ABCA12: variants seen among roughly 807,000 people sequenced by gnomAD.
The protein encoded by ABCA12 is ATP binding cassette subfamily A member 12, also known as glucosylceramide transporter ABCA12.
ABCA12 carries 156 observed loss-of-function variants against 293.5 expected under a neutral mutation model. The observed-to-expected ratio is 0.53, with a 90% confidence interval of 0.47 to 0.61. The LOEUF (loss-of-function observed/expected upper bound fraction) is 0.61, where lower values mean the gene tolerates loss of function less well. Ranked by LOEUF, ABCA12 falls within the 20% of genes least tolerant of loss-of-function variation. The pLI is 0.00. For synonymous variants in ABCA12, 1,063 were observed against 1,108.0 expected (o/e 0.96, Z 0.81); for missense variants, 2,797 against 3,090.2 (o/e 0.91, Z 2.25).
At chr2:215,083,607 A>G (rs1420734303) in intron 2 of ABCA12, among the ~76,000 whole-genome samples, 1 of 152,236 alleles carries the variant, frequency 6.6e-6, no homozygotes, top group Non-Finnish European at 1.5e-5. Context: ...TGAATGTAAG[A>G]CGGATTTTCA....
intron 2 of ABCA12, among the ~76,000 whole-genome samples, chr2:215,085,820 A>G (rs1185000417): frequency 4.6e-5 from 7 of 152,228 alleles, no homozygotes; most frequent in Admixed American, 1.3e-4. Context: ...TCAATAAAGC[A>G]TCAACCTGCT....
At chr2:214,981,394 G>C (rs193075852) in intron 30 of ABCA12, among the ~76,000 whole-genome samples, 1 of 151,938 alleles carries the variant, frequency 6.6e-6, no homozygotes, top group Non-Finnish European at 1.5e-5. Flanking sequence ...TGATTACTCC[G>C]TTGCTTCACA....
At chr2:215,118,134 G>A (rs1702722637) in intron 1 of ABCA12, among the ~76,000 whole-genome samples, 1 of 152,200 alleles carries the variant, frequency 6.6e-6, no homozygotes, top group Admixed American at 6.5e-5. Context: ...GGGCATGGTG[G>A]CTAATGCCTG....
chr2:215,046,072 T>C (rs911073039), intron 6 of ABCA12, 57 bp from the exon 7 acceptor site: 5 of 1,557,104 alleles, frequency 3.2e-6, no homozygotes, highest in Non-Finnish European at 2.6e-6. Flanking sequence ...TGTAATCACA[T>C]GGTTTGCTGT....
chr2:215,044,435 C>A (rs1274519296), intron 7 of ABCA12: 1 of 152,022 alleles, frequency 6.6e-6, no homozygotes, highest in African/African-American at 2.4e-5. Context: ...CAAATAATTC[C>A]CCTTCTCCTT....
At chr2:215,010,560 A>C in intron 17 of ABCA12, 90 bp from the exon 18 acceptor site, 1 of 1,385,248 alleles carries the variant, frequency 7.2e-7, no homozygotes, top group African/African-American at 1.4e-5. Flanking sequence ...TTCTTATCAC[A>C]CCCAAAAATA....
chr2:215,108,717 A>G (rs1405219121), intron 2 of ABCA12, among the ~76,000 whole-genome samples: 1 of 152,222 alleles, frequency 6.6e-6, no homozygotes, highest in Non-Finnish European at 1.5e-5. Context: ...AATTTAAAAA[A>G]CAGGATAAAA....
At chr2:215,047,995 A>G (rs1409437671) in intron 6 of ABCA12, among the ~76,000 whole-genome samples, 2 of 152,074 alleles carry the variant, frequency 1.3e-5, no homozygotes, top group Non-Finnish European at 1.5e-5. Flanking sequence ...AACTCCACTA[A>G]AAAGTGGGCA....
chr2:215,013,977 T>A (rs1394029547), intron 15 of ABCA12, among the ~76,000 whole-genome samples: 1 of 152,016 alleles, frequency 6.6e-6, no homozygotes, highest in Admixed American at 6.6e-5. Context: ...GGTCAGGAGT[T>A]CAAGACCAGC....
At chr2:215,037,612 C>A (rs16853207) in intron 7 of ABCA12, among the ~76,000 whole-genome samples, 6 of 151,984 alleles carry the variant, frequency 3.9e-5, no homozygotes, top group African/African-American at 9.7e-5. Flanking sequence ...AGGCACTATT[C>A]CAGAGGTAGT....
chr2:214,983,789 G>A lies in ABCA12; in HGVS notation c.4240C>T (p.His1414Tyr), dbSNP rs758882496. ...VYGKDIKTDL[H>Y]TVRKNMGVCM... Reference sequence around the variant, plus strand: ...ACTCCCATGTTCTTCCGTACCGTGTGTAGGTCTGTTTTGATATCTTTTCCA... The same window carrying A: ...ACTCCCATGTTCTTCCGTACCGTGTATAGGTCTGTTTTGATATCTTTTCCA... Residue 1414 changes from histidine to tyrosine, a missense_variant, in exon 29 of 53, where the codon CAC (histidine) becomes TAC (tyrosine). Physicochemically the swap from His to Tyr is moderately conservative, Grantham distance 83. Transcript: ENST00000272895. 4.3e-6 allele frequency: 7 copies of A among 1,613,996 alleles called. No homozygotes were observed. Among genetic ancestry groups the A allele is most frequent in the East Asian group, 4.5e-5 (2 of 44,882 alleles).
At chr2:215,027,042 A>T in intron 9 of ABCA12, 104 bp from the exon 10 acceptor site, 2 of 847,262 alleles carry the variant, frequency 2.4e-6, no homozygotes, top group Non-Finnish European at 4.0e-6. Context: ...GTTGACTTGG[A>T]CATTGAAATA....
rs1702323891 is a variant in ABCA12, at chr2:215,100,017, T to C, written c.163+11580A>G. Among the ~76,000 whole-genome samples the C allele has an allele frequency of 8.4e-5, 7 of 83,160 alleles. No homozygotes were observed. In the South Asian group the frequency reaches 2.3e-3, roughly 27 times the overall value. 54.6% of individuals were successfully genotyped at this position (83,160 alleles called of 152,430 possible). On this transcript the variant is annotated intron_variant, in intron 2 of 52. Transcript: ENST00000272895. The stretch of plus-strand genomic sequence containing the variant: ...AAATTGATCTCTCTCTCTCTCTCTC[T>C]TTTTTTTTTTTTAAGAAACAGGGTC...
intron 2 of ABCA12, among the ~76,000 whole-genome samples, chr2:215,067,595 C>T (rs936061368): frequency 3.9e-5 from 6 of 152,012 alleles, no homozygotes; most frequent in South Asian, 2.1e-4. Flanking sequence ...TTCATAGGGT[C>T]GAATTCAGAA....
At chr2:215,033,235 T>C (rs1700917284) in intron 8 of ABCA12, among the ~76,000 whole-genome samples, 2 of 152,348 alleles carry the variant, frequency 1.3e-5, no homozygotes, top group East Asian at 1.9e-4. Context: ...ATACCTATTA[T>C]GTATTGGCAT....
chr2:214,985,281 T>G (rs1159422377), intron 28 of ABCA12, among the ~76,000 whole-genome samples: 1 of 152,186 alleles, frequency 6.6e-6, no homozygotes, highest in African/African-American at 2.4e-5. Context: ...GAGGCCATTA[T>G]CTTTAGCAAA....
chr2:215,134,123 T>A (rs567860674), intron 1 of ABCA12, among the ~76,000 whole-genome samples: 8 of 151,838 alleles, frequency 5.3e-5, no homozygotes, highest in Non-Finnish European at 1.2e-4. Context: ...AATTAAAGAT[T>A]CCCTTTTTTA....
chr2:215,065,066 A>T (rs571113701), intron 2 of ABCA12, among the ~76,000 whole-genome samples: 1 of 152,060 alleles, frequency 6.6e-6, no homozygotes, highest in East Asian at 1.9e-4. Context: ...TAATTTTCAT[A>T]GTGAGGGGTT....
At chr2:215,123,475 A>G (rs1311780767) in intron 1 of ABCA12, among the ~76,000 whole-genome samples, 1 of 152,134 alleles carries the variant, frequency 6.6e-6, no homozygotes, top group East Asian at 1.9e-4. Context: ...CTGGCGTCCC[A>G]CATTTTCTTT....
Sources: gnomAD v4.1 joint callset for allele counts (sites outside exome capture counted in the v4.1 genomes callset) on GRCh38, gnomAD v4.1.1 for gene constraint, MANE v1.5 for transcripts, NCBI Gene and HGNC (gene_info 2026-07-23, HGNC 2026-07-21) for gene names.